TBC1D32: variants seen among roughly 807,000 people sequenced by gnomAD.
TBC1D32 encodes TBC1 domain family member 32.
Under a neutral mutation model 170.3 loss-of-function variants are expected in TBC1D32, and 151 were observed. That is an observed-to-expected ratio of 0.89 (90% CI 0.78 to 1.01). The LOEUF (loss-of-function observed/expected upper bound fraction) is 1.01, where lower values mean the gene tolerates loss of function less well. Ranked by LOEUF, TBC1D32 falls within the 50% of genes least tolerant of loss-of-function variation. TBC1D32 has a pLI of 0.00. For missense variants in TBC1D32, 1,464 were observed against 1,457.1 expected (o/e 1.00, Z -0.08); for synonymous variants, 498 against 488.0 (o/e 1.02, Z -0.27).
At chr6:121,154,034 G>T (rs564082044) in intron 24 of TBC1D32, among the ~76,000 whole-genome samples, 1 of 55,778 alleles carries the variant, frequency 1.8e-5, no homozygotes, top group African/African-American at 7.7e-5. Flanking sequence ...GGAGACACTA[G>T]GGTACAAAAA....
chr6:121,086,722 T>A (rs1776300906), intron 31 of TBC1D32, among the ~76,000 whole-genome samples: 3 of 152,164 alleles, frequency 2.0e-5, no homozygotes, highest in Non-Finnish European at 4.4e-5. Flanking sequence ...GTGAAGTTTG[T>A]CCCCAGGTTG....
intron 30 of TBC1D32, among the ~76,000 whole-genome samples, chr6:121,091,516 C>T (rs780315552): frequency 8.6e-5 from 13 of 151,902 alleles, no homozygotes; most frequent in Non-Finnish European, 1.2e-4. Flanking sequence ...TTAAACCTAA[C>T]GGAATTACAT....
chr6:121,142,311 C>T (rs1782894395), intron 24 of TBC1D32, among the ~76,000 whole-genome samples: 1 of 152,352 alleles, frequency 6.6e-6, no homozygotes, highest in African/African-American at 2.4e-5. Context: ...CTGCCAGTAA[C>T]CTTGTGAGTC....
chr6:121,156,610 C>G (rs980158239), intron 24 of TBC1D32, among the ~76,000 whole-genome samples: 2 of 151,716 alleles, frequency 1.3e-5, no homozygotes, highest in Non-Finnish European at 1.5e-5. Flanking sequence ...GATGTTAGAT[C>G]ATTAATTTAA....
chr6:121,184,320 A>G (rs1326826303), intron 22 of TBC1D32, among the ~76,000 whole-genome samples: 2 of 151,968 alleles, frequency 1.3e-5, no homozygotes, highest in Non-Finnish European at 2.9e-5. Context: ...GTAAAACAAG[A>G]ATTCCAGAGG....
chr6:121,234,494 C>T (rs113370790), intron 20 of TBC1D32, among the ~76,000 whole-genome samples: 2,197 of 151,954 alleles, frequency 0.014, 14 homozygotes, highest in Middle Eastern at 0.027. Flanking sequence ...TCTGCTTGTT[C>T]GATTCTATTA....
intron 20 of TBC1D32, among the ~76,000 whole-genome samples, chr6:121,226,093 T>A (rs184814169): frequency 3.9e-5 from 6 of 152,286 alleles, no homozygotes; most frequent in Non-Finnish European, 8.8e-5. Context: ...TAAATTAAAA[T>A]CTTTCAGGTT....
intron 31 of TBC1D32, among the ~76,000 whole-genome samples, chr6:121,089,936 CT>C (rs778272700): frequency 0.014 from 1,935 of 138,568 alleles, 4 homozygotes; most frequent in Middle Eastern, 0.033. Flanking sequence ...TTCAAAGATT[CT>C]TTTTTTTTTT....
At chr6:121,133,452 T>A (rs557253322) in intron 24 of TBC1D32, among the ~76,000 whole-genome samples, 1 of 152,166 alleles carries the variant, frequency 6.6e-6, no homozygotes, top group Admixed American at 6.5e-5. Flanking sequence ...TATGCATGTA[T>A]ATGTGTGTAT....
rs144908857 is a variant in TBC1D32 at position 121,326,085 on chromosome 6, G to A, written c.156-4291C>T. ...ACCACAATGAGAAGTAGAACTCTTGGGTATGCTTTGTTATAAAGCCCAATC... is the reference window on the plus strand; with the variant it reads ...ACCACAATGAGAAGTAGAACTCTTGAGTATGCTTTGTTATAAAGCCCAATC... On this transcript the variant is annotated intron_variant, in intron 1 of 31. Coordinates refer to ENST00000398212, the MANE Select transcript of TBC1D32 (RefSeq NM_152730.6). 2.2e-3 allele frequency among the ~76,000 whole-genome samples: 332 copies of A among 152,120 alleles called. 1 individual carries two copies. The highest frequency in any genetic ancestry group is 7.7e-3 in the African/African-American group (318 of 41,506).
At chr6:121,299,911 T>C (rs1191969160) in intron 9 of TBC1D32, among the ~76,000 whole-genome samples, 1 of 152,174 alleles carries the variant, frequency 6.6e-6, no homozygotes, top group Non-Finnish European at 1.5e-5. Flanking sequence ...TGCAGAAATG[T>C]GCCAACACTG....
At chr6:121,291,676 C>T (rs3923664) in intron 12 of TBC1D32, among the ~76,000 whole-genome samples, 1 of 151,966 alleles carries the variant, frequency 6.6e-6, no homozygotes, top group African/African-American at 2.4e-5. Context: ...AATTCTGTAA[C>T]TTAAATATTA....
chr6:121,172,644 C>T (rs780514364), intron 22 of TBC1D32, among the ~76,000 whole-genome samples: 1 of 152,134 alleles, frequency 6.6e-6, no homozygotes, highest in African/African-American at 2.4e-5. Context: ...CCAGCTATGA[C>T]CATGTGACCA....
chr6:121,221,957 C>T (rs1466707967), intron 21 of TBC1D32, among the ~76,000 whole-genome samples: 1 of 152,186 alleles, frequency 6.6e-6, no homozygotes, highest in Non-Finnish European at 1.5e-5. Flanking sequence ...GTATCAAATA[C>T]TTCAGAGAAA....
intron 2 of TBC1D32, among the ~76,000 whole-genome samples, chr6:121,319,996 G>A (rs901997141): frequency 6.6e-6 from 1 of 152,014 alleles, no homozygotes; most frequent in African/African-American, 2.4e-5. Context: ...AATTAACAAT[G>A]AAATTCTACA....
At chr6:121,199,778 T>G (rs902248836) in intron 22 of TBC1D32, among the ~76,000 whole-genome samples, 1 of 151,372 alleles carries the variant, frequency 6.6e-6, no homozygotes, top group Admixed American at 6.6e-5. Flanking sequence ...TAATCACATT[T>G]AAGTCTAGTT....
At position 121,279,202 on chromosome 6, in the gene TBC1D32, CCAG is replaced by C; in HGVS notation, c.1649_1651del (p.Ala550del). ...TACAGATGCAATTCTTGCCAAAATA[CCAG>C]CTATATGAATTAAAGCTGTCTCAGA... On this transcript the variant is annotated inframe_deletion, in exon 15 of 32. Coordinates refer to ENST00000398212, the MANE Select transcript of TBC1D32 (RefSeq NM_152730.6). The C allele has an allele frequency of 6.2e-7, 1 of 1,611,452 alleles. No individual in the cohort carries two copies. Among genetic ancestry groups the C allele is most frequent in the Non-Finnish European group, 8.5e-7 (1 of 1,178,812 alleles).
At position 121,241,465 on chromosome 6, in the gene TBC1D32, C is replaced by T; in HGVS notation, c.2245G>A (p.Gly749Arg). ...ATTCTAATGAAAAGAAAACATTTAC[C>T]TGACTTTTTTAGTGCAATGCCACCT... The part of the protein sequence containing the change: ...AAGGIALKKS[G>R]FINELITELW... Residue 749 changes from glycine (G) to arginine (R), a missense_variant and splice_region_variant, in exon 19 of 32, where the codon GGG becomes AGG. Physicochemically the swap from Gly to Arg is moderately radical, Grantham distance 125. Transcript: ENST00000398212. The T allele has an allele frequency of 6.2e-7, 1 of 1,611,220 alleles. No individual in the cohort carries two copies. Among genetic ancestry groups the T allele is most frequent in the Non-Finnish European group, 8.5e-7 (1 of 1,178,552 alleles).
chr6:121,311,681 C>T (rs973655286), intron 3 of TBC1D32, among the ~76,000 whole-genome samples: 4 of 149,894 alleles, frequency 2.7e-5, no homozygotes, highest in African/African-American at 9.9e-5. Flanking sequence ...GAGCCAAAAT[C>T]ATGCCACTGC....
Sources: gnomAD v4.1 joint callset for allele counts (sites outside exome capture counted in the v4.1 genomes callset) on GRCh38, gnomAD v4.1.1 for gene constraint, MANE v1.5 for transcripts, NCBI Gene and HGNC (gene_info 2026-07-23, HGNC 2026-07-21) for gene names.